ADARB2: variants seen among roughly 807,000 people sequenced by gnomAD.
ADARB2 encodes adenosine deaminase RNA specific B2 (inactive).
ADARB2 carries 25 observed loss-of-function variants against 62.2 expected under a neutral mutation model. The observed-to-expected ratio is 0.40, with a 90% CI of 0.29 to 0.56. ADARB2 has a LOEUF of 0.56. Ranked by LOEUF, ADARB2 falls within the 20% of genes least tolerant of loss-of-function variation. The probability of loss-of-function intolerance (pLI) is 0.43; values close to 1 mark genes in which losing one functional copy is unlikely to be tolerated. For missense variants in ADARB2, 1,071 were observed against 1,077.4 expected (o/e 0.99, Z 0.08); for synonymous variants, 572 against 500.8 (o/e 1.14, Z -1.90).
rs182658977 is a variant in ADARB2 at position 1,467,481 on chromosome 10, G to A, written c.101-88321C>T. Among the ~76,000 whole-genome samples the A allele has an allele frequency of 2.5e-3, 382 of 152,266 alleles. 3 individuals are homozygous for A. Among genetic ancestry groups the A allele is most frequent in the African/African-American group, 8.4e-3 (351 of 41,540 alleles). ...CAAACCCGAAAGCATCTCCAACCGC[G>A]TTATTTCTGGGCTGTGTTGATGCAT... is the stretch of plus-strand genomic sequence containing the variant. On this transcript the variant is annotated intron_variant, in intron 1 of 9. Transcript: ENST00000381312.
At chr10:1,265,377 G>C (rs1831184874) in intron 4 of ADARB2, among the ~76,000 whole-genome samples, 1 of 152,256 alleles carries the variant, frequency 6.6e-6, no homozygotes, top group Non-Finnish European at 1.5e-5. Flanking sequence ...GCGGTGCCCT[G>C]ACAGTTTGGC....
At position 1,629,735 on chromosome 10, in the gene ADARB2, C is replaced by A. The variant is rs189753058; in HGVS notation, c.100+107316G>T. 3.0e-3 allele frequency among the ~76,000 whole-genome samples: 451 copies of A among 152,138 alleles called. 3 individuals carry two copies. The highest frequency in any genetic ancestry group is 5.2e-3 in the Non-Finnish European group (353 of 68,008). ...AGACACGTTGTCTCTCTTCACTAAACCCCTACAGCTTGTAACCTGAGACAA... is the reference window on the plus strand; with the variant it reads ...AGACACGTTGTCTCTCTTCACTAAAACCCTACAGCTTGTAACCTGAGACAA... On this transcript the variant is annotated intron_variant, in intron 1 of 9. Coordinates refer to ENST00000381312, the MANE Select transcript of ADARB2 (RefSeq NM_018702.4).
chr10:1,682,726 G>T (rs532367185), intron 1 of ADARB2, among the ~76,000 whole-genome samples: 2 of 152,212 alleles, frequency 1.3e-5, no homozygotes, highest in Non-Finnish European at 2.9e-5. Context: ...GTGGCCAGGC[G>T]TGTCCTGGGA....
chr10:1,686,891 CTAAT>C (rs1229071356), intron 1 of ADARB2, among the ~76,000 whole-genome samples: 10 of 122,480 alleles, frequency 8.2e-5, no homozygotes, highest in South Asian at 2.6e-4. Flanking sequence ...TTTCAGCTAA[CTAAT>C]TGTGATCAAA....
chr10:1,220,081 ATGG>A (rs1214475285), intron 6 of ADARB2, among the ~76,000 whole-genome samples: 3 of 121,724 alleles, frequency 2.5e-5, no homozygotes, highest in East Asian at 2.7e-4. Context: ...GATGGTGATG[ATGG>A]TGGTAATGGT....
chr10:1,711,042 T>C (rs888822618), intron 1 of ADARB2, among the ~76,000 whole-genome samples: 1 of 152,088 alleles, frequency 6.6e-6, no homozygotes, highest in African/African-American at 2.4e-5. Flanking sequence ...CAGTGACGTG[T>C]GTTACTCTGA....
chr10:1,205,456 G>T (rs1167238876), intron 7 of ADARB2, among the ~76,000 whole-genome samples: 1 of 151,134 alleles, frequency 6.6e-6, no homozygotes. Flanking sequence ...CAACTCACGG[G>T]AGCCCGTGGC....
At chr10:1,628,096 A>C (rs1257788942) in intron 1 of ADARB2, among the ~76,000 whole-genome samples, 1 of 152,236 alleles carries the variant, frequency 6.6e-6, no homozygotes, top group Non-Finnish European at 1.5e-5. Context: ...GAGGCAGGAA[A>C]GACACATCTA....
chr10:1,294,847 T>A (rs986964747), intron 3 of ADARB2, among the ~76,000 whole-genome samples: 3 of 152,206 alleles, frequency 2.0e-5, no homozygotes, highest in African/African-American at 7.2e-5. Context: ...CAGCCCTGCC[T>A]GCAAATTGTA....
chr10:1,629,176 T>C (rs1416631165), intron 1 of ADARB2, among the ~76,000 whole-genome samples: 1 of 152,162 alleles, frequency 6.6e-6, no homozygotes, highest in Non-Finnish European at 1.5e-5. Flanking sequence ...GAGAGGTTTG[T>C]GGTTACTTGA....
intron 1 of ADARB2, among the ~76,000 whole-genome samples, chr10:1,533,519 C>T (rs961767657): frequency 2.6e-5 from 4 of 152,090 alleles, no homozygotes; most frequent in Admixed American, 6.5e-5. Context: ...ACCAAGGCTA[C>T]GCTGGGAGCA....
At position 1,467,781 on chromosome 10, in the gene ADARB2, C is replaced by T. The variant is rs1193469383; in HGVS notation, c.101-88621G>A. Among the ~76,000 whole-genome samples the T allele has an allele frequency of 2.0e-5, 3 of 152,208 alleles. No homozygotes were observed. In the East Asian group the frequency reaches 5.8e-4, roughly 29 times the overall value. On this transcript the variant is annotated intron_variant, in intron 1 of 9. Coordinates refer to ENST00000381312, the MANE Select transcript of ADARB2 (RefSeq NM_018702.4). ...TGGTGGATTGTAAAATCCCCTACCA[C>T]TTCCGTTATTCCATCCTGTGCTTTT...
chr10:1,587,172 A>G (rs1172989037), intron 1 of ADARB2, among the ~76,000 whole-genome samples: 1 of 152,212 alleles, frequency 6.6e-6, no homozygotes. Context: ...GTTTGAGAGT[A>G]AAATTAATTT....
At chr10:1,533,457 C>A (rs1010793243) in intron 1 of ADARB2, among the ~76,000 whole-genome samples, 1 of 97,918 alleles carries the variant, frequency 1.0e-5, no homozygotes, top group Admixed American at 1.1e-4. Flanking sequence ...CTTTTAATCA[C>A]AATCCTGAGA....
chr10:1,622,583 C>T (rs531978648), intron 1 of ADARB2, among the ~76,000 whole-genome samples: 5 of 152,114 alleles, frequency 3.3e-5, no homozygotes, highest in Non-Finnish European at 5.9e-5. Flanking sequence ...AGATGTATAC[C>T]GTCATTAGTA....
At chr10:1,288,235 T>A (rs1411226224) in intron 3 of ADARB2, among the ~76,000 whole-genome samples, 1 of 152,174 alleles carries the variant, frequency 6.6e-6, no homozygotes, top group Non-Finnish European at 1.5e-5. Context: ...AAAGAATCAA[T>A]CAGAATTTAT....
At chr10:1,306,732 A>C (rs1831633423) in intron 3 of ADARB2, among the ~76,000 whole-genome samples, 1 of 135,854 alleles carries the variant, frequency 7.4e-6, no homozygotes, top group Admixed American at 7.9e-5. Context: ...ACCAAAACAG[A>C]GATATAGATC....
chr10:1,250,125 CCT>C (rs1434640918), intron 4 of ADARB2, among the ~76,000 whole-genome samples: 1 of 150,086 alleles, frequency 6.7e-6, no homozygotes, highest in Non-Finnish European at 1.5e-5. Context: ...CATAATGAAT[CCT>C]CTCTAAATTG....
At chr10:1,710,259 A>G (rs1020792961) in intron 1 of ADARB2, among the ~76,000 whole-genome samples, 5 of 152,140 alleles carry the variant, frequency 3.3e-5, no homozygotes, top group African/African-American at 1.2e-4. Flanking sequence ...TTTCCCCCTC[A>G]TCATCTCTGA....
Sources: gnomAD v4.1 joint callset for allele counts (sites outside exome capture counted in the v4.1 genomes callset) on GRCh38, gnomAD v4.1.1 for gene constraint, MANE v1.5 for transcripts, NCBI Gene and HGNC (gene_info 2026-07-23, HGNC 2026-07-21) for gene names.